CCDC86: variants seen among roughly 807,000 people sequenced by gnomAD.
CCDC86 encodes coiled-coil domain-containing protein 86.
Under a neutral mutation model 36.7 loss-of-function variants are expected in CCDC86, and 28 were observed. The observed-to-expected ratio is 0.76, with a 90% CI of 0.57 to 1.05. The LOEUF (loss-of-function observed/expected upper bound fraction) is 1.05. Among genes scored for constraint, CCDC86 ranks in the 50% least tolerant of loss-of-function variants. The probability of loss-of-function intolerance (pLI) is 0.00; values close to 1 mark genes in which losing one functional copy is unlikely to be tolerated. For missense variants in CCDC86, 453 were observed against 470.2 expected (o/e 0.96, Z 0.34); for synonymous variants, 199 against 203.4 (o/e 0.98, Z 0.18).
rs1339986305 is a variant in CCDC86 at position 60,842,402 on chromosome 11, A to G, written c.278A>G (p.Gln93Arg). The change falls in exon 1 of 4, where the codon CAG (glutamine) becomes CGG (arginine). Residue 93 changes from glutamine to arginine, a missense_variant. By Grantham distance (43) the Gln-to-Arg change is conservative. Coordinates refer to ENST00000227520, the MANE Select transcript of CCDC86 (RefSeq NM_024098.4). ...GQPEPGAASP[Q>R]RQQDLHLESP... The stretch of plus-strand genomic sequence containing the variant: ...CCAGAGCCAGGCGCAGCGTCCCCCC[A>G]GCGTCAGCAAGACCTACACCTGGAG... 3.7e-6 allele frequency: 6 copies of G among 1,613,276 alleles called. No homozygotes were observed. In the South Asian group the frequency reaches 6.6e-5, roughly 18 times the overall value.
intron 1 of CCDC86, among the ~76,000 whole-genome samples, chr11:60,845,736 C>T (rs1056211561): frequency 1.3e-5 from 2 of 152,204 alleles, no homozygotes; most frequent in Admixed American, 6.5e-5. Flanking sequence ...GCACCTATTA[C>T]GTGTGTGTGT....
intron 1 of CCDC86, among the ~76,000 whole-genome samples, chr11:60,845,944 T>C (rs546923587): frequency 6.6e-6 from 1 of 152,212 alleles, no homozygotes; most frequent in African/African-American, 2.4e-5. Flanking sequence ...CAGCCACATG[T>C]GGCTATGTAC....
Position 60,849,931 on chromosome 11 carries a change from A to G in CCDC86, c.889-9A>G, listed in dbSNP as rs1172242956. 7 of 1,613,096 alleles carry G rather than the reference A, an allele frequency of 4.3e-6. No individual in the cohort carries two copies. Among genetic ancestry groups the G allele is most frequent in the Non-Finnish European group, 5.9e-6 (7 of 1,179,580 alleles). On this transcript the variant is annotated splice_polypyrimidine_tract_variant and intron_variant, in intron 2 of 3. Transcript: ENST00000227520. ...CCCGACTCAAATCCCCTTCTCCCAC[A>G]TGTTCCAGGAGAAGAAACAGCGCCG...
chr11:60,842,186 G>T lies in CCDC86; in HGVS notation c.62G>T (p.Ser21Ile). ...GGCCTAAGGCCCGAATCCCCCGAGA[G>T]CCTCACCTCAGTTTCGCGGACGAGA... is the stretch of plus-strand genomic sequence containing the variant. Reference protein sequence around the residue: ...LGGLRPESPESLTSVSRTRRA... With the variant: ...LGGLRPESPEILTSVSRTRRA... Residue 21 changes from serine to isoleucine, a missense_variant, in exon 1 of 4, where the codon AGC becomes ATC. Coordinates refer to ENST00000227520, the MANE Select transcript of CCDC86 (RefSeq NM_024098.4). 1 of 1,612,702 alleles carries T rather than the reference G, an allele frequency of 6.2e-7. No individual in the cohort carries two copies. Among genetic ancestry groups the T allele is most frequent in the Non-Finnish European group, 8.5e-7 (1 of 1,179,592 alleles).
chr11:60,850,144 C>G (rs1226779080), intron 3 of CCDC86, 62 bp from the exon 4 acceptor site: 1 of 1,610,486 alleles, frequency 6.2e-7, no homozygotes, highest in African/African-American at 1.3e-5. Context: ...GCCTTCCTCT[C>G]CCCTGGGAAT....
intron 1 of CCDC86, among the ~76,000 whole-genome samples, chr11:60,843,889 C>T (rs1855154140): frequency 6.6e-6 from 1 of 152,154 alleles, no homozygotes; most frequent in South Asian, 2.1e-4. Context: ...ATATTATCCC[C>T]CCACCCCTGA....
chr11:60,848,169 A>G, intron 2 of CCDC86, 116 bp downstream of exon 2: 1 of 1,328,250 alleles, frequency 7.5e-7, no homozygotes. Flanking sequence ...TGGTTAAAAA[A>G]CGTTCTTGAA....
chr11:60,847,223 A>G (rs1400238192), intron 1 of CCDC86, among the ~76,000 whole-genome samples: 2 of 152,140 alleles, frequency 1.3e-5, no homozygotes, highest in Admixed American at 6.5e-5. Flanking sequence ...AGCTGGGACT[A>G]TAGGCATACA....
Position 60,842,762 on chromosome 11 carries a change from A to C in CCDC86, c.638A>C (p.Lys213Thr), listed in dbSNP as rs1268986587. 5.0e-6 allele frequency: 8 copies of C among 1,613,322 alleles called. No individual in the cohort carries two copies. The Admixed American group carries it at 6.7e-5, about 13-fold the overall frequency. ...GTGACAGGCGGCTTCGGGGCAAAGAAGCGAAAAGGTTCTTCATCCCAGGCC... is the reference window on the plus strand; with the variant it reads ...GTGACAGGCGGCTTCGGGGCAAAGACGCGAAAAGGTTCTTCATCCCAGGCC... Reference protein sequence around the residue: ...ETVTGGFGAKKRKGSSSQAPA... With the variant: ...ETVTGGFGAKTRKGSSSQAPA... The change falls in exon 1 of 4, where the codon AAG (lysine) becomes ACG (threonine). Residue 213 changes from lysine (K) to threonine (T), a missense_variant. Lys to Thr is a moderately conservative substitution (Grantham distance 78). Transcript: ENST00000227520.
chr11:60,849,991 C>G lies in CCDC86; in HGVS notation c.940C>G (p.Arg314Gly). Reference sequence around the variant, plus strand: ...CCTGAAACGCCGCCTGGAGAATGAGCGGAAGGCAGAGGTCGTCCAAGTGGT... The same window carrying G: ...CCTGAAACGCCGCCTGGAGAATGAGGGGAAGGCAGAGGTCGTCCAAGTGGT... ...ENLKRRLENE[R>G]KAEVVQVIRN... Residue 314 changes from arginine (R) to glycine (G), a missense_variant, in exon 3 of 4, where the codon CGG becomes GGG. Transcript: ENST00000227520. 6.2e-7 allele frequency: 1 copy of G among 1,614,134 alleles called. No individual in the cohort carries two copies. Among genetic ancestry groups the G allele is most frequent in the Non-Finnish European group, 8.5e-7 (1 of 1,179,996 alleles).
chr11:60,847,888 C>T, intron 1 of CCDC86, 36 bp from the exon 2 acceptor site: 1 of 1,584,922 alleles, frequency 6.3e-7, no homozygotes, highest in Non-Finnish European at 8.6e-7. Flanking sequence ...GCGCTTGCCC[C>T]ACAGACCCTG....
chr11:60,849,952 C>T lies in CCDC86; in HGVS notation c.901C>T (p.Arg301Cys), dbSNP rs761195854. The change falls in exon 3 of 4, where the codon CGC becomes TGC. Residue 301 changes from arginine (R) to cysteine (C), a missense_variant. Transcript: ENST00000227520. The part of the protein sequence containing the change: ...KERRRQEKKQ[R>C]RAENLKRRLE... ...CCACATGTTCCAGGAGAAGAAACAG[C>T]GCCGGGCTGAGAACCTGAAACGCCG... 100 of 1,613,892 alleles carry T rather than the reference C, an allele frequency of 6.2e-5. No individual in the cohort carries two copies. The highest frequency in any genetic ancestry group is 7.8e-5 in the Non-Finnish European group (92 of 1,179,958).
rs1855183488 is a variant in CCDC86 at position 60,846,464 on chromosome 11, C to T, written c.759-1460C>T. Among the ~76,000 whole-genome samples, 4 of 152,140 alleles carry T rather than the reference C, an allele frequency of 2.6e-5. No individual in the cohort carries two copies. The South Asian group carries it at 8.3e-4, about 32-fold the overall frequency. On this transcript the variant is annotated intron_variant, in intron 1 of 3. Coordinates refer to ENST00000227520, the MANE Select transcript of CCDC86 (RefSeq NM_024098.4). ...TTTACTTTTTTTGAATGGAAATTTT[C>T]AAGCATACAAAGAAAGAGCAAAGCT...
In CCDC86 at chr11:60,842,768, A is replaced by G. The variant is rs1466225322; in HGVS notation, c.644A>G (p.Lys215Arg). The G allele has an allele frequency of 1.2e-6, 2 of 1,613,340 alleles. No homozygotes were observed. Among genetic ancestry groups the G allele is most frequent in the Non-Finnish European group, 1.7e-6 (2 of 1,179,488 alleles). ...VTGGFGAKKR[K>R]GSSSQAPASK... is the part of the protein sequence containing the mutation. ...GGCGGCTTCGGGGCAAAGAAGCGAA[A>G]AGGTTCTTCATCCCAGGCCCCAGCG... is the stretch of plus-strand genomic sequence containing the variant. Residue 215 changes from lysine to arginine, a missense_variant, in exon 1 of 4, where the codon AAA (lysine) becomes AGA (arginine). Physicochemically the swap from Lys to Arg is conservative, Grantham distance 26. Coordinates refer to ENST00000227520, the MANE Select transcript of CCDC86 (RefSeq NM_024098.4).
chr11:60,849,959 C>A lies in CCDC86; in HGVS notation c.908C>A (p.Ala303Asp), dbSNP rs780128906. The A allele has an allele frequency of 1.2e-6, 2 of 1,614,160 alleles. No homozygotes were observed. Among genetic ancestry groups the A allele is most frequent in the Non-Finnish European group, 1.7e-6 (2 of 1,180,008 alleles). ...RRRQEKKQRR[A>D]ENLKRRLENE... The stretch of plus-strand genomic sequence containing the variant: ...TTCCAGGAGAAGAAACAGCGCCGGG[C>A]TGAGAACCTGAAACGCCGCCTGGAG... The change falls in exon 3 of 4, where the codon GCT (alanine) becomes GAT (aspartate). Residue 303 changes from alanine to aspartate, a missense_variant. Coordinates refer to ENST00000227520, the MANE Select transcript of CCDC86 (RefSeq NM_024098.4).
chr11:60,843,553 A>T (rs1401051674), intron 1 of CCDC86, among the ~76,000 whole-genome samples: 2 of 152,240 alleles, frequency 1.3e-5, no homozygotes, highest in East Asian at 3.8e-4. Context: ...CTGTAGATCC[A>T]CCTTGAATTG....
chr11:60,849,832 C>T, intron 2 of CCDC86, 108 bp from the exon 3 acceptor site: 1 of 930,122 alleles, frequency 1.1e-6, no homozygotes, highest in Non-Finnish European at 1.7e-6. Flanking sequence ...CAGAGAGGGC[C>T]TTTCCCCTTC....
rs17155425 is a variant in CCDC86, at chr11:60,847,839, G to A, written c.759-85G>A. On this transcript the variant is annotated intron_variant, in intron 1 of 3. Transcript: ENST00000227520. ...TTCTGCCTGGGCTCTGGGGAAGAAGGTCCAGAGCCTCCGGCCGAGAGGAGA... is the reference window on the plus strand; with the variant it reads ...TTCTGCCTGGGCTCTGGGGAAGAAGATCCAGAGCCTCCGGCCGAGAGGAGA... 2,312 of 1,461,904 alleles carry A rather than the reference G, an allele frequency of 1.6e-3. 26 individuals are homozygous for A. The African/African-American group carries it at 0.026, about 16-fold the overall frequency. The allele number at this position is 1,461,904 out of a possible 1,614,324, so 90.6% of individuals were successfully genotyped here.
In CCDC86 at chr11:60,842,828, T is replaced by C. The variant is rs781049927; in HGVS notation, c.704T>C (p.Ile235Thr). The C allele has an allele frequency of 1.3e-6, 2 of 1,598,080 alleles. No homozygotes were observed. Among genetic ancestry groups the C allele is most frequent in the Non-Finnish European group, 1.7e-6 (2 of 1,170,648 alleles). The change falls in exon 1 of 4, where the codon ATC (isoleucine) becomes ACC (threonine). Residue 235 changes from isoleucine (I) to threonine (T), a missense_variant. By Grantham distance (89) the Ile-to-Thr change is moderately conservative (BLOSUM62 -1). Transcript: ENST00000227520. Reference protein sequence around the residue: ...KKLNKEELPVIPKGKPKSGRV... With the variant: ...KKLNKEELPVTPKGKPKSGRV... ...TTGAATAAAGAGGAGCTTCCTGTAA[T>C]CCCGAAGGGGAAGCCCAAATCGGGG...
Sources: gnomAD v4.1 joint callset for allele counts (sites outside exome capture counted in the v4.1 genomes callset) on GRCh38, gnomAD v4.1.1 for gene constraint, MANE v1.5 for transcripts, NCBI Gene and HGNC (gene_info 2026-07-23, HGNC 2026-07-21) for gene names.